CTNNA3: variants seen among roughly 807,000 people sequenced by gnomAD.
CTNNA3 encodes the protein catenin alpha-3.
In CTNNA3, 76 loss-of-function variants were observed where a neutral mutation model predicts 95.7. The ratio of observed to expected loss-of-function variants is 0.79; its 90% confidence interval spans 0.66 to 0.96. CTNNA3 has a LOEUF of 0.96. Among genes scored for constraint, CTNNA3 ranks in the 40% least tolerant of loss-of-function variants. The probability of loss-of-function intolerance (pLI) is 0.00; values close to 1 mark genes in which losing one functional copy is unlikely to be tolerated. For synonymous variants in CTNNA3, 431 were observed against 374.4 expected, an observed-to-expected ratio of 1.15 and a Z score of -1.74; for missense variants, 1,191 against 1,089.8, an observed-to-expected ratio of 1.09 and a Z score of -1.31.
intron 13 of CTNNA3, among the ~76,000 whole-genome samples, chr10:66,155,125 A>G (rs1589576484): frequency 6.6e-6 from 1 of 151,768 alleles, no homozygotes; most frequent in African/African-American, 2.4e-5. Context: ...AACAATTCCA[A>G]TTTGCCATTG....
chr10:66,382,185 A>G (rs1014085133), intron 11 of CTNNA3, among the ~76,000 whole-genome samples: 5 of 152,162 alleles, frequency 3.3e-5, no homozygotes, highest in Admixed American at 6.5e-5. Flanking sequence ...AGCCAAGGGA[A>G]GCCATGACAG....
intron 11 of CTNNA3, among the ~76,000 whole-genome samples, chr10:66,471,353 G>A (rs1839125057): frequency 6.6e-6 from 1 of 151,422 alleles, no homozygotes; most frequent in Non-Finnish European, 1.5e-5. Flanking sequence ...GCTATAGTAG[G>A]CATTCCTTCA....
At chr10:66,868,396 A>T (rs922144113) in intron 7 of CTNNA3, among the ~76,000 whole-genome samples, 3 of 151,574 alleles carry the variant, frequency 2.0e-5, no homozygotes, top group African/African-American at 7.3e-5. Flanking sequence ...AAAAAACTGT[A>T]ATTAATAGAC....
At chr10:66,051,614 A>G (rs929261589) in intron 15 of CTNNA3, among the ~76,000 whole-genome samples, 63 of 152,368 alleles carry the variant, frequency 4.1e-4, no homozygotes, top group African/African-American at 1.5e-3. Context: ...GATAGTTTTG[A>G]ATGAATTCTC....
chr10:67,140,236 A>G (rs1406044917), intron 7 of CTNNA3, among the ~76,000 whole-genome samples: 1 of 152,176 alleles, frequency 6.6e-6, no homozygotes, highest in Non-Finnish European at 1.5e-5. Context: ...ACTTCTTTAT[A>G]AGATGGTTTT....
At chr10:66,099,668 G>A (rs181770123) in intron 14 of CTNNA3, among the ~76,000 whole-genome samples, 11 of 152,156 alleles carry the variant, frequency 7.2e-5, no homozygotes. Flanking sequence ...GGGTGTTATT[G>A]GTACCAAATT....
intron 6 of CTNNA3, among the ~76,000 whole-genome samples, chr10:67,187,131 A>G (rs1862890496): frequency 6.6e-6 from 1 of 152,192 alleles, no homozygotes; most frequent in Non-Finnish European, 1.5e-5. Context: ...CTTACCCAAG[A>G]TCACTCAGCT....
At chr10:66,440,153 C>A (rs972711457) in intron 11 of CTNNA3, among the ~76,000 whole-genome samples, 11 of 152,060 alleles carry the variant, frequency 7.2e-5, no homozygotes, top group Admixed American at 5.9e-4. Flanking sequence ...ATTATATCTC[C>A]ACTTTAGATA....
At chr10:67,034,904 T>A (rs1589638032) in intron 7 of CTNNA3, among the ~76,000 whole-genome samples, 1 of 152,204 alleles carries the variant, frequency 6.6e-6, no homozygotes, top group African/African-American at 2.4e-5. Flanking sequence ...TGTTGACATA[T>A]CTCTTGGCAA....
chr10:66,883,827 T>C (rs1315942191), intron 7 of CTNNA3, among the ~76,000 whole-genome samples: 1 of 152,156 alleles, frequency 6.6e-6, no homozygotes, highest in Admixed American at 6.6e-5. Flanking sequence ...GAGAGATGAA[T>C]TGAAGGCAAG....
chr10:67,698,071 C>T (rs956842215), upstream of CTNNA3, among the ~76,000 whole-genome samples: 5 of 152,204 alleles, frequency 3.3e-5, no homozygotes, highest in African/African-American at 9.6e-5. Context: ...CATCCTGGCC[C>T]TCTTCCAGAT....
intron 15 of CTNNA3, among the ~76,000 whole-genome samples, chr10:66,044,989 G>C (rs1368109370): frequency 6.6e-6 from 1 of 152,112 alleles, no homozygotes; most frequent in African/African-American, 2.4e-5. Flanking sequence ...ATTCAATAGT[G>C]GTGTGTGTTG....
intron 10 of CTNNA3, among the ~76,000 whole-genome samples, chr10:66,569,395 T>G (rs1842802682): frequency 6.6e-6 from 1 of 152,164 alleles, no homozygotes; most frequent in Admixed American, 6.5e-5. Flanking sequence ...ATCTAAAATT[T>G]ACTCAAATAT....
intron 11 of CTNNA3, among the ~76,000 whole-genome samples, chr10:66,430,735 C>T (rs1056985571): frequency 6.6e-6 from 1 of 152,082 alleles, no homozygotes; most frequent in Non-Finnish European, 1.5e-5. Context: ...TTCCTTACAC[C>T]TTATACAAAA....
At chr10:67,652,439 A>G (rs1839902829) in intron 1 of CTNNA3, among the ~76,000 whole-genome samples, 3 of 152,212 alleles carry the variant, frequency 2.0e-5, no homozygotes, top group Admixed American at 1.3e-4. Context: ...ATGTACTTCA[A>G]CTAATTTAAA....
chr10:66,536,641 G>T (rs1202849948), intron 10 of CTNNA3, among the ~76,000 whole-genome samples: 3 of 151,926 alleles, frequency 2.0e-5, no homozygotes, highest in Non-Finnish European at 2.9e-5. Context: ...AGAAATAGGG[G>T]TTCCTAAATT....
At chr10:66,023,391 T>A (rs2079262712) in intron 15 of CTNNA3, among the ~76,000 whole-genome samples, 1 of 105,540 alleles carries the variant, frequency 9.5e-6, no homozygotes, top group Non-Finnish European at 2.0e-5. Flanking sequence ...GAGTTTTAAG[T>A]GGCAAACAGA....
At chr10:66,629,258 G>A (rs1845047741) in intron 9 of CTNNA3, among the ~76,000 whole-genome samples, 1 of 151,978 alleles carries the variant, frequency 6.6e-6, no homozygotes, top group African/African-American at 2.4e-5. Context: ...CATGAACAGA[G>A]GACTGTGTAT....
intron 13 of CTNNA3, among the ~76,000 whole-genome samples, chr10:66,150,388 C>T (rs571841989): frequency 5.3e-5 from 8 of 152,200 alleles, no homozygotes; most frequent in East Asian, 1.9e-4. Flanking sequence ...TTGCCCGTCT[C>T]GGGTATGTCT....
Sources: gnomAD v4.1 joint callset for allele counts (sites outside exome capture counted in the v4.1 genomes callset) on GRCh38, gnomAD v4.1.1 for gene constraint, MANE v1.5 for transcripts, NCBI Gene and HGNC (gene_info 2026-07-23, HGNC 2026-07-21) for gene names.